Variants in ATXN1 observed in about 807,000 individuals in gnomAD.
ATXN1 encodes ataxin-1.
Under a neutral mutation model 56.4 loss-of-function variants are expected in ATXN1, and 8 were observed. That is an observed-to-expected ratio of 0.14 (90% CI 0.08 to 0.26). The LOEUF (loss-of-function observed/expected upper bound fraction) is 0.26. Among genes scored for constraint, ATXN1 ranks in the 10% least tolerant of loss-of-function variants. The pLI, the probability that ATXN1 is intolerant of heterozygous loss-of-function variation, is 1.00. For synonymous variants in ATXN1, 514 were observed against 494.6 expected (o/e 1.04, Z -0.52); for missense variants, 987 against 1,106.5 (o/e 0.89, Z 1.53).
At chr6:16,703,784 C>T (rs1048272737) in intron 2 of ATXN1, among the ~76,000 whole-genome samples, 1 of 152,192 alleles carries the variant, frequency 6.6e-6, no homozygotes, top group Non-Finnish European at 1.5e-5. Flanking sequence ...CTTTGGGAGG[C>T]CGAGGCGGGT....
intron 5 of ATXN1, among the ~76,000 whole-genome samples, chr6:16,519,264 AT>A (rs1761242147): frequency 6.6e-6 from 1 of 152,208 alleles, no homozygotes. Context: ...TACAAGAGCA[AT>A]GTCAAATGGA....
intron 6 of ATXN1, among the ~76,000 whole-genome samples, chr6:16,472,973 G>T (rs946694081): frequency 7.2e-5 from 11 of 152,046 alleles, no homozygotes. Flanking sequence ...TTAGGTCCTG[G>T]GTTTTTAGTT....
chr6:16,356,489 A>G (rs1761690244), intron 6 of ATXN1, among the ~76,000 whole-genome samples: 2 of 152,356 alleles, frequency 1.3e-5, no homozygotes, highest in Middle Eastern at 3.4e-3. Context: ...ATTTTTCAGA[A>G]TCTAAAGTTG....
At chr6:16,543,213 C>A (rs1233321802) in intron 4 of ATXN1, among the ~76,000 whole-genome samples, 1 of 152,284 alleles carries the variant, frequency 6.6e-6, no homozygotes, top group East Asian at 1.9e-4. Flanking sequence ...CCCACCGTCC[C>A]GCAGCCACCA....
At chr6:16,550,610 T>C (rs912850328) in intron 4 of ATXN1, among the ~76,000 whole-genome samples, 16 of 152,182 alleles carry the variant, frequency 1.1e-4, no homozygotes, top group Non-Finnish European at 2.2e-4. Flanking sequence ...AGTAACATAA[T>C]TATTCCCAAT....
intron 4 of ATXN1, among the ~76,000 whole-genome samples, chr6:16,575,216 A>T (rs150957427): frequency 6.0e-5 from 9 of 150,834 alleles, no homozygotes; most frequent in Non-Finnish European, 1.2e-4. Flanking sequence ...AAATTCTACG[A>T]ATTTCCTGTT....
At chr6:16,537,044 T>G (rs1166830622) in intron 4 of ATXN1, among the ~76,000 whole-genome samples, 5 of 150,084 alleles carry the variant, frequency 3.3e-5, no homozygotes, top group Admixed American at 3.3e-4. Flanking sequence ...GTAAAATCTT[T>G]TTTTTTTTTT....
At chr6:16,490,263 C>G (rs1315062580) in intron 5 of ATXN1, among the ~76,000 whole-genome samples, 1 of 152,126 alleles carries the variant, frequency 6.6e-6, no homozygotes, top group African/African-American at 2.4e-5. Flanking sequence ...GGTTCCAGAT[C>G]CTGCTGGGGT....
At chr6:16,740,553 T>C (rs1760303786) in intron 2 of ATXN1, among the ~76,000 whole-genome samples, 1 of 152,214 alleles carries the variant, frequency 6.6e-6, no homozygotes, top group South Asian at 2.1e-4. Context: ...TTTTCAACCT[T>C]GCTGTCATGG....
intron 2 of ATXN1, among the ~76,000 whole-genome samples, chr6:16,725,167 C>T (rs1231038226): frequency 1.3e-5 from 2 of 152,176 alleles, no homozygotes; most frequent in African/African-American, 4.8e-5. Context: ...TGTTAACTTC[C>T]TATGGCTTTA....
chr6:16,513,110 G>A (rs964325804), intron 5 of ATXN1, among the ~76,000 whole-genome samples: 4 of 152,268 alleles, frequency 2.6e-5, no homozygotes, highest in East Asian at 1.9e-4. Flanking sequence ...TCCCTTCTAC[G>A]CCAACAGAAC....
At chr6:16,457,138 G>C (rs188206520) in intron 6 of ATXN1, among the ~76,000 whole-genome samples, 1 of 152,232 alleles carries the variant, frequency 6.6e-6, no homozygotes, top group Admixed American at 6.5e-5. Flanking sequence ...GACTCTAACA[G>C]GTTTTCAAGA....
At chr6:16,690,865 A>C (rs957459486) in intron 2 of ATXN1, among the ~76,000 whole-genome samples, 1 of 152,176 alleles carries the variant, frequency 6.6e-6, no homozygotes, top group East Asian at 1.9e-4. Flanking sequence ...AAGCACGATG[A>C]TGCTGTTCAA....
At chr6:16,380,184 C>T (rs1762222510) in intron 6 of ATXN1, among the ~76,000 whole-genome samples, 1 of 152,144 alleles carries the variant, frequency 6.6e-6, no homozygotes, top group African/African-American at 2.4e-5. Flanking sequence ...ATTCCCTCTG[C>T]TTAGAACAGA....
intron 6 of ATXN1, among the ~76,000 whole-genome samples, chr6:16,478,915 T>C (rs994019867): frequency 2.0e-5 from 3 of 152,206 alleles, no homozygotes; most frequent in African/African-American, 4.8e-5. Flanking sequence ...GCCTGGGACC[T>C]GTGCAGGGGT....
chr6:16,624,228 G>A (rs1386205604), intron 3 of ATXN1, among the ~76,000 whole-genome samples: 3 of 151,874 alleles, frequency 2.0e-5, no homozygotes, highest in Non-Finnish European at 4.4e-5. Context: ...GCAGGTTCCT[G>A]TAATCCCAGC....
At chr6:16,673,064 G>A (rs1489392442) in intron 2 of ATXN1, among the ~76,000 whole-genome samples, 1 of 150,538 alleles carries the variant, frequency 6.6e-6, no homozygotes, top group South Asian at 2.1e-4. Context: ...AACGGAAAAG[G>A]CAAGGATATG....
chr6:16,670,792 A>C (rs1391564165), intron 2 of ATXN1, among the ~76,000 whole-genome samples: 1 of 152,244 alleles, frequency 6.6e-6, no homozygotes, highest in African/African-American at 2.4e-5. Context: ...ACTAAAACAG[A>C]AACAAATGTT....
At chr6:16,311,076 T>A (rs1440084463) in intron 7 of ATXN1, among the ~76,000 whole-genome samples, 1 of 152,204 alleles carries the variant, frequency 6.6e-6, no homozygotes, top group Non-Finnish European at 1.5e-5. Context: ...AAAGTTTCAT[T>A]GTTCTGGGCT....
Sources: gnomAD v4.1 joint callset for allele counts (sites outside exome capture counted in the v4.1 genomes callset) on GRCh38, gnomAD v4.1.1 for gene constraint, MANE v1.5 for transcripts, NCBI Gene and HGNC (gene_info 2026-07-23, HGNC 2026-07-21) for gene names.